MUC22: variants seen among roughly 807,000 people sequenced by gnomAD.
MUC22 encodes the protein mucin-22.
A neutral mutation model predicts 40.3 loss-of-function variants in MUC22; 24 were observed. The ratio of observed to expected loss-of-function variants is 0.60; its 90% CI spans 0.43 to 0.84. The LOEUF is 0.84. MUC22 is among the 40% of genes least tolerant of loss of function. The probability of loss-of-function intolerance (pLI) is 0.00; values close to 1 mark genes in which losing one functional copy is unlikely to be tolerated. For synonymous variants in MUC22, 765 were observed against 844.5 expected, an observed-to-expected ratio of 0.91 and a Z score of 1.63; for missense variants, 1,926 against 2,130.7, an observed-to-expected ratio of 0.90 and a Z score of 1.89.
rs1764231355 is a variant in MUC22, at chr6:31,016,725, T to C, written c.70+5949T>C. On this transcript the variant is annotated intron_variant, in intron 1 of 3. Coordinates refer to ENST00000561890, the Ensembl canonical transcript of MUC22. ...GGGGCCCTTCAGCCCCCCGCTGCAC[T>C]GTGGGAGACCCTCTCTGGGCTGGCC... is the stretch of plus-strand genomic sequence containing the variant. 1.3e-5 allele frequency among the ~76,000 whole-genome samples: 2 copies of C among 152,256 alleles called. 1 individual carries two copies. The highest frequency in any genetic ancestry group is 4.8e-5 in the African/African-American group (2 of 41,476).
chr6:31,030,516 CAA>C (rs372027490), intron 2 of MUC22, among the ~76,000 whole-genome samples: 4 of 127,476 alleles, frequency 3.1e-5, no homozygotes, highest in Non-Finnish European at 1.6e-5. Flanking sequence ...GACTCCGTCT[CAA>C]AAAAAAAAAA....
chr6:31,025,720 T>C, exon 2 of MUC22: 1 of 1,528,188 alleles, frequency 6.5e-7, no homozygotes, highest in Non-Finnish European at 8.8e-7. Flanking sequence ...CAACACGGCC[T>C]CCACCACAGA....
upstream of MUC22, among the ~76,000 whole-genome samples, chr6:31,008,526 C>A (rs944984839): frequency 9.9e-5 from 15 of 151,662 alleles, no homozygotes; most frequent in Admixed American, 2.0e-4. Flanking sequence ...CCAAAAGAGA[C>A]CTGAAACATT....
At chr6:31,019,501 A>G (rs1764511692) in intron 1 of MUC22, among the ~76,000 whole-genome samples, 1 of 152,212 alleles carries the variant, frequency 6.6e-6, no homozygotes, top group Non-Finnish European at 1.5e-5. Context: ...GAGGCAGAGC[A>G]AAGCAGATAT....
At chr6:31,027,273 G>C (rs1271006554) in exon 2 of MUC22, 2 of 1,510,668 alleles carry the variant, frequency 1.3e-6, no homozygotes, top group Non-Finnish European at 1.8e-6. Flanking sequence ...TGGGCTCTGA[G>C]ACCAGCACAG....
Position 31,011,342 on chromosome 6 carries a change from G to GCCTCCCCCGTC in MUC22, c.70+568_70+578dup, listed in dbSNP as rs1198320203. Among the ~76,000 whole-genome samples the GCCTCCCCCGTC allele has an allele frequency of 6.6e-6, 1 of 151,824 alleles. No homozygotes were observed. The highest frequency in any genetic ancestry group is 2.4e-5 in the African/African-American group (1 of 41,378). Reference sequence around the variant, plus strand: ...CTATCTGTAGTCTTTTATCTCTCGTGCCTCCCCCGTCCTTCCTCCCTAGTG... The same window carrying GCCTCCCCCGTC: ...CTATCTGTAGTCTTTTATCTCTCGTGCCTCCCCCGTCCCTCCCCCGTCCTTCCTCCCTAGTG... On this transcript the variant is annotated intron_variant, in intron 1 of 3. Coordinates refer to ENST00000561890, the Ensembl canonical transcript of MUC22. This position sits in a 1 kb window ranked among gnomAD's most constrained non-coding sequence, Gnocchi z 4.5.
Position 31,011,651 on chromosome 6 carries a change from G to A in MUC22, c.70+875G>A, listed in dbSNP as rs942503811. 1.3e-5 allele frequency among the ~76,000 whole-genome samples: 2 copies of A among 152,206 alleles called. No individual in the cohort carries two copies. The highest frequency in any genetic ancestry group is 2.9e-5 in the Non-Finnish European group (2 of 68,036). Reference sequence around the variant, plus strand: ...GTGAATTGTGCTGCTATAAACATGTGTGTGCAAGTGTCTTTTTTGTATAAT... The same window carrying A: ...GTGAATTGTGCTGCTATAAACATGTATGTGCAAGTGTCTTTTTTGTATAAT... On this transcript the variant is annotated intron_variant, in intron 1 of 3. Coordinates refer to ENST00000561890, the Ensembl canonical transcript of MUC22. The surrounding 1 kb of genome is among the most constrained non-coding windows in gnomAD (Gnocchi z 4.5).
chr6:31,027,155 T>C lies in MUC22; in HGVS notation c.1724T>C (p.Val575Ala). The change falls in exon 2 of 4, where the codon GTG becomes GCG. Residue 575 changes from valine to alanine, a missense_variant. Coordinates refer to ENST00000561890, the Ensembl canonical transcript of MUC22. ...AAGGTCTCCACTGCAAGCTCTGAGG[T>C]GACCACAGTCTTTGCTGCAGGCTCT... The C allele has an allele frequency of 3.3e-6, 5 of 1,494,200 alleles. 1 individual carries two copies. Among genetic ancestry groups the C allele is most frequent in the Non-Finnish European group, 4.5e-6 (5 of 1,122,274 alleles). 92.6% of individuals were successfully genotyped at this position (1,494,200 alleles called of 1,614,324 possible).
At chr6:31,022,521 T>A (rs1362820336) in intron 1 of MUC22, among the ~76,000 whole-genome samples, 1 of 151,946 alleles carries the variant, frequency 6.6e-6, no homozygotes, top group Non-Finnish European at 1.5e-5. Flanking sequence ...CAAAAAAGAA[T>A]GAAGTGTGCT....
At chr6:31,006,193 T>C, upstream of MUC22, 1 of 335,044 alleles carries the variant, frequency 3.0e-6, no homozygotes, top group Non-Finnish European at 5.8e-6. Context: ...AGAGAAGCAT[T>C]TTTGCTTAAT....
chr6:31,008,967 C>G (rs531362789), upstream of MUC22, among the ~76,000 whole-genome samples: 1 of 152,308 alleles, frequency 6.6e-6, no homozygotes, highest in East Asian at 1.9e-4. Flanking sequence ...ATAATTACCA[C>G]TATCAAACTA....
exon 2 of MUC22, chr6:31,028,532 C>G (rs994063731): frequency 6.5e-7 from 1 of 1,533,050 alleles, no homozygotes. Flanking sequence ...GGCTCTGAGA[C>G]CACTATGGCC....
chr6:31,009,068 T>A (rs146147523), upstream of MUC22, among the ~76,000 whole-genome samples: 5 of 152,336 alleles, frequency 3.3e-5, no homozygotes, highest in African/African-American at 1.2e-4. Context: ...AATTATAGTC[T>A]CCATGTGATT....
chr6:31,017,232 G>T (rs9262479), intron 1 of MUC22, among the ~76,000 whole-genome samples: 2 of 152,090 alleles, frequency 1.3e-5, no homozygotes, highest in Non-Finnish European at 2.9e-5. Context: ...GCCCAGGTGC[G>T]GGATCCACTA....
At chr6:31,022,087 G>A (rs1003872781) in intron 1 of MUC22, among the ~76,000 whole-genome samples, 9 of 151,944 alleles carry the variant, frequency 5.9e-5, no homozygotes, top group East Asian at 3.9e-4. Context: ...ATGAGCCAGC[G>A]AGAGCACAAA....
At chr6:31,034,134 C>T (rs11754586) in intron 3 of MUC22, among the ~76,000 whole-genome samples, 20,754 of 152,226 alleles carry the variant, frequency 0.14, 1,721 homozygotes, top group South Asian at 0.26. Context: ...GGATCTGGAG[C>T]TTCATGATCT....
intron 1 of MUC22, among the ~76,000 whole-genome samples, chr6:31,018,655 C>T (rs935250378): frequency 1.3e-5 from 2 of 152,226 alleles, no homozygotes; most frequent in African/African-American, 4.8e-5. Flanking sequence ...TTATTCATTC[C>T]AATTGGGGTC....
exon 2 of MUC22, chr6:31,027,304 A>G (rs533211797): frequency 6.5e-7 from 1 of 1,532,462 alleles, no homozygotes; most frequent in Non-Finnish European, 8.7e-7. Flanking sequence ...AGGCTCTGAG[A>G]CCACCACAGC....
At chr6:31,026,057 C>G in exon 2 of MUC22, 1 of 1,530,144 alleles carries the variant, frequency 6.5e-7, no homozygotes, top group Admixed American at 2.0e-5. Flanking sequence ...ACTAAAGTCT[C>G]TACCACAGGC....
Sources: allele counts gnomAD v4.1 joint callset (sites outside exome capture counted in the v4.1 genomes callset), GRCh38; gene constraint gnomAD v4.1.1; non-coding constraint Gnocchi (gnomAD v3.1); transcripts MANE v1.5; gene names NCBI Gene and HGNC (gene_info 2026-07-23, HGNC 2026-07-21).